The following TENM4 variants were observed in gnomAD, a reference collection of about 807,000 sequenced individuals.
The protein encoded by TENM4 is teneurin-4.
In TENM4, 82 loss-of-function variants were observed where a neutral mutation model predicts 243.3. The observed-to-expected ratio is 0.34, with a 90% CI of 0.28 to 0.40. TENM4 has a LOEUF of 0.40. Ranked by LOEUF, TENM4 falls within the 10% of genes least tolerant of loss-of-function variation. TENM4 has a pLI of 1.00. For synonymous variants in TENM4, 1,412 were observed against 1,456.3 expected (o/e 0.97, Z 0.69); for missense variants, 3,138 against 3,673.3 (o/e 0.85, Z 3.77).
rs1201175121 is a variant in TENM4 at position 78,669,883 on chromosome 11, C to T, written c.6462G>A (p.Val2154=). The change falls in exon 32 of 34, where the codon GTG becomes GTA. Residue 2154 remains valine (V), a synonymous_variant. Coordinates refer to ENST00000278550, the MANE Select transcript of TENM4 (RefSeq NM_001098816.3). The surrounding 1 kb of genome is among the most constrained non-coding windows in gnomAD (Gnocchi z 6.4). ...TGAGCGAGCGGAAGATCTCATACTGCACTTCCTTCATCCTGCCATATGCAT... is the reference window on the plus strand; with the variant it reads ...TGAGCGAGCGGAAGATCTCATACTGTACTTCCTTCATCCTGCCATATGCAT... The part of the protein sequence containing the change: ...HFDAYGRMKE[V]QYEIFRSLMY... 1.2e-6 allele frequency: 2 copies of T among 1,613,848 alleles called. No homozygotes were observed. Among genetic ancestry groups the T allele is most frequent in the South Asian group, 1.1e-5 (1 of 91,014 alleles).
chr11:79,053,797 A>G (rs1421325939), intron 6 of TENM4, among the ~76,000 whole-genome samples: 1 of 152,212 alleles, frequency 6.6e-6, no homozygotes, highest in Non-Finnish European at 1.5e-5. Context: ...TCAAACCCAT[A>G]TAAACTCCTG....
intron 4 of TENM4, among the ~76,000 whole-genome samples, chr11:79,104,627 G>A (rs369304106): frequency 6.6e-6 from 1 of 152,238 alleles, no homozygotes; most frequent in East Asian, 1.9e-4. Context: ...CACTTAGGTT[G>A]CTCCAGGTCT....
chr11:78,844,749 C>G lies in TENM4; in HGVS notation c.1681+9355G>C, dbSNP rs1454570404. Among the ~76,000 whole-genome samples the G allele has an allele frequency of 2.0e-5, 3 of 152,140 alleles. No individual in the cohort carries two copies. The East Asian group carries it at 5.8e-4, about 29-fold the overall frequency. The stretch of plus-strand genomic sequence containing the variant: ...AAAGCAAGAAGGCGACTGTTGCCAG[C>G]CTGGAAGAGAGGCCTCACCAGAAAC... On this transcript the variant is annotated intron_variant, in intron 12 of 33. Transcript: ENST00000278550.
intron 2 of TENM4, among the ~76,000 whole-genome samples, chr11:79,284,798 A>G (rs183121905): frequency 3.3e-4 from 51 of 152,352 alleles, no homozygotes; most frequent in East Asian, 3.3e-3. Flanking sequence ...CAAATCATAT[A>G]TCAGACAATT....
chr11:79,104,207 T>C (rs960640839), intron 4 of TENM4, among the ~76,000 whole-genome samples: 4 of 152,230 alleles, frequency 2.6e-5, no homozygotes, highest in African/African-American at 9.6e-5. Context: ...TGTCTAATTA[T>C]TTATTCCTTG....
At chr11:79,056,705 G>T (rs879939297) in intron 6 of TENM4, among the ~76,000 whole-genome samples, 1 of 152,170 alleles carries the variant, frequency 6.6e-6, no homozygotes, top group Admixed American at 6.5e-5. Flanking sequence ...CAGGCACCAA[G>T]GTCAGAAACC....
intron 1 of TENM4, among the ~76,000 whole-genome samples, chr11:79,326,629 C>G (rs1050373700): frequency 6.6e-6 from 1 of 152,214 alleles, no homozygotes; most frequent in Non-Finnish European, 1.5e-5. Flanking sequence ...CCAATAGCAA[C>G]CAGGAACTAG....
chr11:79,257,373 G>T (rs1354005153), intron 2 of TENM4, among the ~76,000 whole-genome samples: 3 of 152,196 alleles, frequency 2.0e-5, no homozygotes, highest in Non-Finnish European at 4.4e-5. Flanking sequence ...TCAGGATGCT[G>T]TTCCTTAATC....
chr11:79,392,675 A>G (rs985911673), intron 1 of TENM4, among the ~76,000 whole-genome samples: 3 of 152,188 alleles, frequency 2.0e-5, no homozygotes, highest in African/African-American at 4.8e-5. Flanking sequence ...AGGTGTCCTA[A>G]TCTCTGCTAT....
intron 5 of TENM4, among the ~76,000 whole-genome samples, chr11:79,066,566 G>A (rs183331988): frequency 6.6e-6 from 1 of 152,206 alleles, no homozygotes; most frequent in African/African-American, 2.4e-5. Context: ...ACACACAGAC[G>A]TGCACGCGCA....
chr11:79,393,728 T>C, intron 1 of TENM4, among the ~76,000 whole-genome samples: 1 of 152,060 alleles, frequency 6.6e-6, no homozygotes, highest in Non-Finnish European at 1.5e-5. Context: ...AGGGACTCGG[T>C]GTGTTTCACA....
At chr11:79,283,945 C>T (rs2135369423) in intron 2 of TENM4, among the ~76,000 whole-genome samples, 1 of 151,826 alleles carries the variant, frequency 6.6e-6, no homozygotes, top group South Asian at 2.1e-4. Flanking sequence ...GAAAATAATT[C>T]CATTTATAAT....
At chr11:79,108,840 G>A (rs1441569257) in intron 4 of TENM4, among the ~76,000 whole-genome samples, 1 of 152,094 alleles carries the variant, frequency 6.6e-6, no homozygotes, top group African/African-American at 2.4e-5. Context: ...TTTAGCCAAG[G>A]ATCTCCTGGG....
intron 6 of TENM4, among the ~76,000 whole-genome samples, chr11:79,037,162 C>T (rs571366981): frequency 5.7e-4 from 87 of 152,216 alleles, no homozygotes; most frequent in Admixed American, 1.2e-3. Context: ...GGAGGGACAG[C>T]GTGGAGTGGT....
In TENM4 at chr11:79,108,063, T is replaced by G. The variant is rs540388730; in HGVS notation, c.-65-38054A>C. ...GACTACTTACATAGTCTTGAAGTTG[T>G]CTCCCTCCAAAATTCGTATTACAAA... On this transcript the variant is annotated intron_variant, in intron 4 of 33. Coordinates refer to ENST00000278550, the MANE Select transcript of TENM4 (RefSeq NM_001098816.3). 1.4e-4 allele frequency among the ~76,000 whole-genome samples: 21 copies of G among 152,330 alleles called. No homozygotes were observed. The South Asian group carries it at 4.4e-3, about 32-fold the overall frequency.
chr11:79,293,903 T>C (rs147604669), intron 2 of TENM4, among the ~76,000 whole-genome samples: 215 of 152,286 alleles, frequency 1.4e-3, no homozygotes, highest in African/African-American at 4.9e-3. Context: ...CCAAGGTAGA[T>C]AATGGGCATG....
intron 3 of TENM4, among the ~76,000 whole-genome samples, chr11:79,160,532 G>A (rs1207391797): frequency 1.3e-5 from 2 of 152,204 alleles, no homozygotes; most frequent in Non-Finnish European, 2.9e-5. Flanking sequence ...GAGAGCAGCA[G>A]ACTTGGGGAG....
rs1045580157 is a variant in TENM4, at chr11:78,676,203, C to T, written c.5445G>A (p.Gln1815=). 1 of 1,575,488 alleles carries T rather than the reference C, an allele frequency of 6.3e-7. No homozygotes were observed. The highest frequency in any genetic ancestry group is 8.6e-7 in the Non-Finnish European group (1 of 1,157,742). ...DNGLNLVEWR[Q]RKEQARGQVT... is the part of the protein sequence containing the mutation. ...CCTGGCCCCGAGCCTGCTCTTTGCG[C>T]TGGCGCCACTCCACCAGGTTGAGGC... Residue 1815 remains glutamine, a synonymous_variant, in exon 30 of 34, where the codon CAG becomes CAA. Transcript: ENST00000278550.
chr11:79,258,254 G>A (rs1012032207), intron 2 of TENM4, among the ~76,000 whole-genome samples: 6 of 152,184 alleles, frequency 3.9e-5, no homozygotes, highest in African/African-American at 1.4e-4. Flanking sequence ...GTAAAATGGA[G>A]ACAACTACAT....
Sources: gnomAD v4.1 joint callset for allele counts (sites outside exome capture counted in the v4.1 genomes callset) on GRCh38, gnomAD v4.1.1 for gene constraint, Gnocchi (gnomAD v3.1) non-coding constraint, MANE v1.5 for transcripts, NCBI Gene and HGNC (gene_info 2026-07-23, HGNC 2026-07-21) for gene names.